The following URB2 variants were observed in gnomAD, a reference collection of about 807,000 sequenced individuals.
URB2 encodes unhealthy ribosome biogenesis protein 2 homolog.
URB2 carries 86 observed loss-of-function variants against 120.9 expected under a neutral mutation model. The observed-to-expected ratio is 0.71, with a 90% CI of 0.60 to 0.85. URB2 has a LOEUF of 0.85. Ranked by LOEUF, URB2 falls within the 40% of genes least tolerant of loss-of-function variation. The pLI is 0.00. For missense variants in URB2, 1,765 were observed against 1,836.5 expected (o/e 0.96, Z 0.71); for synonymous variants, 755 against 758.4 (o/e 1.00, Z 0.07).
intron 6 of URB2, 98 bp downstream of exon 6, chr1:229,646,067 T>C (rs1253621739): frequency 2.7e-6 from 3 of 1,110,832 alleles, no homozygotes; most frequent in Non-Finnish European, 4.1e-6. Flanking sequence ...TGTAGCTTTA[T>C]GCAGAACGTG....
chr1:229,652,278 C>CT (rs1666297985), intron 8 of URB2, among the ~76,000 whole-genome samples: 2 of 152,114 alleles, frequency 1.3e-5, no homozygotes, highest in Non-Finnish European at 2.9e-5. Context: ...CCTGTACTGT[C>CT]TGATGTGCTA....
At chr1:229,633,058 G>A (rs1342396541) in intron 3 of URB2, among the ~76,000 whole-genome samples, 1 of 152,246 alleles carries the variant, frequency 6.6e-6, no homozygotes, top group Non-Finnish European at 1.5e-5. Context: ...CTTTCCTAAA[G>A]TCACATGGCT....
At chr1:229,634,874 G>A (rs1665752587) in intron 3 of URB2, 43 bp from the exon 4 acceptor site, 2 of 1,495,604 alleles carry the variant, frequency 1.3e-6, no homozygotes, top group African/African-American at 2.8e-5. Context: ...GTATGTATGG[G>A]TTTAAGGTCA....
intron 8 of URB2, 68 bp from the exon 9 acceptor site, chr1:229,654,181 C>CT (rs1666347863): frequency 6.3e-7 from 1 of 1,586,050 alleles, no homozygotes; most frequent in Admixed American, 1.7e-5. Context: ...TATTAAAAGT[C>CT]TAACATAGAA....
At chr1:229,648,046 G>A (rs538947264) in intron 7 of URB2, among the ~76,000 whole-genome samples, 7 of 152,246 alleles carry the variant, frequency 4.6e-5, no homozygotes, top group African/African-American at 7.2e-5. Context: ...TCCAAAGCTC[G>A]AAACTTTTAG....
Position 229,639,507 on chromosome 1 carries a change from T to C in URB2, c.3634+1260T>C, listed in dbSNP as rs191309142. On this transcript the variant is annotated intron_variant, in intron 4 of 9. Coordinates refer to ENST00000258243, the MANE Select transcript of URB2 (RefSeq NM_014777.4). ...CCGCCACCACGCCCGGCTAATTTTTTTGTATTTTTTAGTAAAGACAGGGTT... is the reference window on the plus strand; with the variant it reads ...CCGCCACCACGCCCGGCTAATTTTTCTGTATTTTTTAGTAAAGACAGGGTT... Among the ~76,000 whole-genome samples the C allele has an allele frequency of 7.5e-4, 114 of 152,136 alleles. No homozygotes were observed. The Middle Eastern group carries it at 0.014, about 18-fold the overall frequency.
rs987418065 is a variant in URB2 at position 229,647,814 on chromosome 1, G to A, written c.4149+62G>A. 36 of 1,551,712 alleles carry A rather than the reference G, an allele frequency of 2.3e-5. No homozygotes were observed. In the South Asian group the frequency reaches 3.6e-4, roughly 16 times the overall value. On this transcript the variant is annotated intron_variant, in intron 7 of 9. Transcript: ENST00000258243. ...TCTGCGAGCAGGGTACTTGAAGTCT[G>A]TAGAAAAGTGGCAGCAAAACTTTAC...
Position 229,636,075 on chromosome 1 carries a change from C to T in URB2, c.1462C>T (p.Pro488Ser), listed in dbSNP as rs754045407. The T allele has an allele frequency of 1.9e-6, 3 of 1,614,240 alleles. No individual in the cohort carries two copies. The Admixed American group carries it at 5.0e-5, about 27-fold the overall frequency. ...CRPAAEALRQ[P>S]VLASGPSTVL... ...TCCAGCTGCTGAGGCACTGAGGCAGCCTGTGCTGGCCTCGGGCCCCTCCAC... is the reference window on the plus strand; with the variant it reads ...TCCAGCTGCTGAGGCACTGAGGCAGTCTGTGCTGGCCTCGGGCCCCTCCAC... Residue 488 changes from proline (P) to serine (S), a missense_variant, in exon 4 of 10, where the codon CCT becomes TCT. Physicochemically the swap from Pro to Ser is moderately conservative, Grantham distance 74. Coordinates refer to ENST00000258243, the MANE Select transcript of URB2 (RefSeq NM_014777.4).
chr1:229,636,474 A>G lies in URB2; in HGVS notation c.1861A>G (p.Ser621Gly), dbSNP rs1470762518. 27 of 1,614,218 alleles carry G rather than the reference A, an allele frequency of 1.7e-5. No individual in the cohort carries two copies. The highest frequency in any genetic ancestry group is 2.2e-5 in the Non-Finnish European group (26 of 1,180,040). Residue 621 changes from serine to glycine, a missense_variant, in exon 4 of 10, where the codon AGT becomes GGT. Transcript: ENST00000258243. Reference sequence around the variant, plus strand: ...TTGGGCCCAGGTGGACGCTATGTTCAGTTTGAACTGTAGCCAGTATCACTC... The same window carrying G: ...TTGGGCCCAGGTGGACGCTATGTTCGGTTTGAACTGTAGCCAGTATCACTC... Reference protein sequence around the residue: ...YTWAQVDAMFSLNCSQYHSMS... With the variant: ...YTWAQVDAMFGLNCSQYHSMS...
chr1:229,635,684 T>C lies in URB2; in HGVS notation c.1071T>C (p.Leu357=), dbSNP rs755822466. 1 of 1,614,142 alleles carries C rather than the reference T, an allele frequency of 6.2e-7. No individual in the cohort carries two copies. The highest frequency in any genetic ancestry group is 8.5e-7 in the Non-Finnish European group (1 of 1,180,034). The change falls in exon 4 of 10, where the codon CTT becomes CTC. Residue 357 remains leucine (L), a synonymous_variant. Coordinates refer to ENST00000258243, the MANE Select transcript of URB2 (RefSeq NM_014777.4). ...ALSTSDWTTE[L]LVVEQLLNSV... ...CCACATCAGATTGGACCACAGAGCTTTTGGTTGTGGAACAGCTACTAAACT... is the reference window on the plus strand; with the variant it reads ...CCACATCAGATTGGACCACAGAGCTCTTGGTTGTGGAACAGCTACTAAACT...
In URB2 at chr1:229,630,879, G is replaced by A. The variant is rs376345190; in HGVS notation, c.127-1390G>A. Among the ~76,000 whole-genome samples, 437 of 151,768 alleles carry A rather than the reference G, an allele frequency of 2.9e-3. 6 individuals carry two copies. The highest frequency in any genetic ancestry group is 0.01 in the African/African-American group (429 of 41,374). ...CACCTGTAATCCCAGCTACTCAGGA[G>A]GCTGAGGCAGAAGAATCGCTTAAAC... On this transcript the variant is annotated intron_variant, in intron 2 of 9. Transcript: ENST00000258243.
chr1:229,629,576 T>A (rs1665611976), intron 2 of URB2, among the ~76,000 whole-genome samples: 1 of 152,236 alleles, frequency 6.6e-6, no homozygotes, highest in African/African-American at 2.4e-5. Flanking sequence ...AAAGTACATA[T>A]CTTAATTTTA....
intron 9 of URB2, among the ~76,000 whole-genome samples, chr1:229,656,037 C>T (rs763340869): frequency 6.6e-5 from 10 of 152,190 alleles, no homozygotes; most frequent in Non-Finnish European, 1.3e-4. Flanking sequence ...AGTGCACACA[C>T]CTTACCGGGT....
chr1:229,631,191 C>T (rs1176584837), intron 2 of URB2, among the ~76,000 whole-genome samples: 1 of 152,128 alleles, frequency 6.6e-6, no homozygotes, highest in Admixed American at 6.5e-5. Flanking sequence ...TAGCTTCTAG[C>T]TTTTCCTCCG....
chr1:229,638,284 G>A lies in URB2; in HGVS notation c.3634+37G>A, dbSNP rs375075367. On this transcript the variant is annotated intron_variant, in intron 4 of 9. Coordinates refer to ENST00000258243, the MANE Select transcript of URB2 (RefSeq NM_014777.4). ...TCTCTTGAGCTAATTCTGTGTTATA[G>A]AGGTCTGGTTTCCACTGCTCCCCTT... is the stretch of plus-strand genomic sequence containing the variant. 2.5e-5 allele frequency: 39 copies of A among 1,543,782 alleles called. No individual in the cohort carries two copies. The African/African-American group carries it at 4.4e-4, about 17-fold the overall frequency.
chr1:229,648,422 A>G (rs189144871), intron 7 of URB2, among the ~76,000 whole-genome samples: 1 of 152,366 alleles, frequency 6.6e-6, no homozygotes, highest in East Asian at 1.9e-4. Flanking sequence ...CCACTCGCAT[A>G]GATCCCTTGC....
chr1:229,642,061 C>G (rs969320948), intron 4 of URB2, among the ~76,000 whole-genome samples: 3 of 152,184 alleles, frequency 2.0e-5, no homozygotes, highest in Admixed American at 1.3e-4. Context: ...AGGCTGTATC[C>G]TGCTCTGGAG....
intron 5 of URB2, 44 bp downstream of exon 5, chr1:229,643,737 G>A (rs370050884): frequency 3.5e-5 from 56 of 1,590,884 alleles, no homozygotes; most frequent in Non-Finnish European, 4.5e-5. Flanking sequence ...CAGAAACCAC[G>A]TCGGCTCAAA....
At chr1:229,627,566 C>T (rs1665537975) in intron 1 of URB2, 55 bp from the exon 2 acceptor site, 6 of 1,555,862 alleles carry the variant, frequency 3.9e-6, no homozygotes, top group East Asian at 2.3e-5. Context: ...TTTCTGGTGC[C>T]TGCTCAGTCT....
Sources: gnomAD v4.1 joint callset for allele counts (sites outside exome capture counted in the v4.1 genomes callset) on GRCh38, gnomAD v4.1.1 for gene constraint, MANE v1.5 for transcripts, NCBI Gene and HGNC (gene_info 2026-07-23, HGNC 2026-07-21) for gene names.